The following ZNF575 variants were observed in gnomAD, a reference collection of about 807,000 sequenced individuals.
ZNF575 encodes zinc finger protein 575.
A neutral mutation model predicts 17.5 loss-of-function variants in ZNF575; 17 were observed. The ratio of observed to expected loss-of-function variants is 0.97; its 90% CI spans 0.66 to 1.45. The LOEUF (loss-of-function observed/expected upper bound fraction) is 1.45, where lower values mean the gene tolerates loss of function less well. Among genes scored for constraint, ZNF575 ranks in the 40% most tolerant of loss-of-function variants. ZNF575 has a pLI of 0.00. For synonymous variants in ZNF575, 146 were observed against 158.3 expected (o/e 0.92, Z 0.58); for missense variants, 352 against 359.2 (o/e 0.98, Z 0.16).
rs200449716 is a variant in ZNF575 at position 43,535,412 on chromosome 19, T to G, written c.463T>G (p.Ser155Ala). 2.0e-6 allele frequency: 3 copies of G among 1,512,706 alleles called. No homozygotes were observed. The highest frequency in any genetic ancestry group is 1.6e-5 in the African/African-American group (1 of 61,446). The allele number at this position is 1,512,706 out of a possible 1,614,324, so 93.7% of individuals were successfully genotyped here. Residue 155 changes from serine (S) to alanine (A), a missense_variant, in exon 4 of 4, where the codon TCC (serine) becomes GCC (alanine). Physicochemically the swap from Ser to Ala is moderately conservative, Grantham distance 99. Coordinates refer to ENST00000314228, the MANE Select transcript of ZNF575 (RefSeq NM_174945.3). ...RPYPCPDCPKSFCYPSKLAAH... is the reference protein window; with the variant it reads ...RPYPCPDCPKAFCYPSKLAAH... The stretch of plus-strand genomic sequence containing the variant: ...CTACCCGTGCCCCGACTGCCCCAAG[T>G]CCTTCTGCTACCCTTCCAAGCTGGC...
At position 43,533,188 on chromosome 19, in the gene ZNF575, A is replaced by T. The variant is rs1465586415; in HGVS notation, c.-528A>T. 6.6e-6 allele frequency: 1 copy of T among 152,318 alleles called. No individual in the cohort carries two copies. Among genetic ancestry groups the T allele is most frequent in the Non-Finnish European group, 1.5e-5 (1 of 68,076 alleles). 9.4% of individuals were successfully genotyped at this position (152,318 alleles called of 1,614,324 possible). ...GCGGTGCACTTTCTGTCGATACGGT[A>T]GCTTCGCGCTTGCTCACGAACTTGC... On this transcript the variant is annotated 5_prime_UTR_variant, in exon 1 of 4. Transcript: ENST00000314228.
rs1972396557 is a variant in ZNF575, at chr19:43,535,142, T to C, written c.193T>C (p.Cys65Arg). 6.3e-7 allele frequency: 1 copy of C among 1,579,082 alleles called. No homozygotes were observed. ...RRPPPQRPHR[C>R]PDCDKAFSYP... ...GCCCCCGCCCCAGCGCCCGCACCGC[T>C]GCCCCGACTGTGACAAGGCCTTCTC... Residue 65 changes from cysteine to arginine, a missense_variant, in exon 4 of 4, where the codon TGC becomes CGC. Transcript: ENST00000314228.
intron 3 of ZNF575, 144 bp from the exon 4 acceptor site, chr19:43,534,885 G>T: frequency 1.3e-6 from 1 of 771,174 alleles, no homozygotes; most frequent in Non-Finnish European, 1.9e-6. Flanking sequence ...GCAGAAACAT[G>T]CAATTTGGGG....
chr19:43,534,563 A>G, intron 3 of ZNF575, 62 bp downstream of exon 3: 1 of 1,363,890 alleles, frequency 7.3e-7, no homozygotes. Flanking sequence ...AAATAATCAC[A>G]TTCTGGGGGA....
At chr19:43,531,485 A>G (rs182845987), upstream of ZNF575, among the ~76,000 whole-genome samples, 43 of 152,220 alleles carry the variant, frequency 2.8e-4, no homozygotes, top group Non-Finnish European at 4.4e-4. Context: ...GGGAGGCTGA[A>G]GCAGGAGAAT....
chr19:43,535,825 G>T lies in ZNF575; in HGVS notation c.*138G>T. The T allele has an allele frequency of 2.0e-6, 2 of 1,012,652 alleles. No homozygotes were observed. Among genetic ancestry groups the T allele is most frequent in the South Asian group, 3.4e-5 (2 of 58,780 alleles). The allele number at this position is 1,012,652 out of a possible 1,614,324, so 62.7% of individuals were successfully genotyped here. ...GGCAAGGGATTGGCCATTTATACTG[G>T]GCTCGAGCTCAGAAGCCCGAGGAAC... On this transcript the variant is annotated 3_prime_UTR_variant, in exon 4 of 4. Transcript: ENST00000314228.
At chr19:43,531,809 G>A (rs923698291), upstream of ZNF575, 15 of 681,686 alleles carry the variant, frequency 2.2e-5, no homozygotes, top group African/African-American at 2.2e-4. Context: ...TTAAAGATAC[G>A]GGGTATCACT....
chr19:43,534,489 G>T lies in ZNF575; in HGVS notation c.67G>T (p.Val23Leu). 1 of 1,470,780 alleles carries T rather than the reference G, an allele frequency of 6.8e-7. No homozygotes were observed. 91.1% of individuals were successfully genotyped at this position (1,470,780 alleles called of 1,614,324 possible). A position where few individuals can be genotyped will look rare whatever the true frequency, so the allele number is the denominator to read the frequency against. Residue 23 changes from valine (V) to leucine (L), a missense_variant, in exon 3 of 4, where the codon GTG (valine) becomes TTG (leucine). Transcript: ENST00000314228. ...TCCTAGTCCCACTGGCAAGGAACCAGTGACCAAAGAAGGTGAGAGTGCCCC... is the reference window on the plus strand; with the variant it reads ...TCCTAGTCCCACTGGCAAGGAACCATTGACCAAAGAAGGTGAGAGTGCCCC... ...TDPSPTGKEP[V>L]TKEAPHQGPP...
In ZNF575 at chr19:43,535,520, A is replaced by C. The variant is rs1186246337; in HGVS notation, c.571A>C (p.Lys191Gln). 3.7e-6 allele frequency: 6 copies of C among 1,613,590 alleles called. No homozygotes were observed. The highest frequency in any genetic ancestry group is 4.2e-6 in the Non-Finnish European group (5 of 1,179,864). ...HCPKAFSFPS[K>Q]LAAHRLCHDP... is the part of the protein sequence containing the mutation. ...CCCCAAGGCTTTCTCATTTCCCTCCAAGCTGGCCGCCCATCGCCTATGTCA... is the reference window on the plus strand; with the variant it reads ...CCCCAAGGCTTTCTCATTTCCCTCCCAGCTGGCCGCCCATCGCCTATGTCA... Residue 191 changes from lysine to glutamine, a missense_variant, in exon 4 of 4, where the codon AAG becomes CAG. Lys to Gln is a moderately conservative substitution (Grantham distance 53). Coordinates refer to ENST00000314228, the MANE Select transcript of ZNF575 (RefSeq NM_174945.3).
chr19:43,535,976 T>G lies in ZNF575; in HGVS notation c.*289T>G, dbSNP rs1161924813. 3 of 414,510 alleles carry G rather than the reference T, an allele frequency of 7.2e-6. No individual in the cohort carries two copies. The highest frequency in any genetic ancestry group is 5.9e-5 in the African/African-American group (3 of 50,738). The allele number at this position is 414,510 out of a possible 1,614,324, so 25.7% of individuals were successfully genotyped here. ...TAAAAAGTCTGCTACTATCGTGGGT[T>G]GATGAGGATTGTGGGCAAACAGGCT... On this transcript the variant is annotated 3_prime_UTR_variant, in exon 4 of 4. Coordinates refer to ENST00000314228, the MANE Select transcript of ZNF575 (RefSeq NM_174945.3).
rs1452918150 is a variant in ZNF575 at position 43,533,242 on chromosome 19, T to C, written c.-474T>C. 2 of 152,310 alleles carry C rather than the reference T, an allele frequency of 1.3e-5. No homozygotes were observed. Among genetic ancestry groups the C allele is most frequent in the African/African-American group, 4.8e-5 (2 of 41,462 alleles). The allele number at this position is 152,310 out of a possible 1,614,324, so 9.4% of individuals were successfully genotyped here. On this transcript the variant is annotated 5_prime_UTR_variant, in exon 1 of 4. Transcript: ENST00000314228. ...CCTGGCTGGCGCACCCAGCCCCTCCTTCCATTCCTTCTTCCCCCTCTCTGC... is the reference window on the plus strand; with the variant it reads ...CCTGGCTGGCGCACCCAGCCCCTCCCTCCATTCCTTCTTCCCCCTCTCTGC...
At chr19:43,534,973 C>A (rs1481143053) in intron 3 of ZNF575, 56 bp from the exon 4 acceptor site, 8 of 1,369,596 alleles carry the variant, frequency 5.8e-6, no homozygotes, top group Non-Finnish European at 7.5e-6. Context: ...CGGAGCCTGG[C>A]CTAGGCCCAG....
rs767338863 is a variant in ZNF575, at chr19:43,535,437, C to T, written c.488C>T (p.Ala163Val). ...TCCTTCTGCTACCCTTCCAAGCTGG[C>T]GGCCCACCGCCACACGCACCACGCC... ...PKSFCYPSKL[A>V]AHRHTHHATD... The change falls in exon 4 of 4, where the codon GCG becomes GTG. Residue 163 changes from alanine to valine, a missense_variant. Ala to Val is a moderately conservative substitution (Grantham distance 64). Coordinates refer to ENST00000314228, the MANE Select transcript of ZNF575 (RefSeq NM_174945.3). The T allele has an allele frequency of 1.3e-6, 2 of 1,570,784 alleles. No homozygotes were observed. The highest frequency in any genetic ancestry group is 2.4e-5 in the East Asian group (1 of 41,576).
chr19:43,530,900 A>G (rs1199068142), upstream of ZNF575, among the ~76,000 whole-genome samples: 2 of 152,192 alleles, frequency 1.3e-5, no homozygotes, highest in African/African-American at 4.8e-5. Context: ...CTAGCAATTA[A>G]TACTGTAATT....
rs1322052760 is a variant in ZNF575 at position 43,535,898 on chromosome 19, T to C, written c.*211T>C. 8.2e-6 allele frequency: 5 copies of C among 610,248 alleles called. No individual in the cohort carries two copies. Among genetic ancestry groups the C allele is most frequent in the Non-Finnish European group, 1.4e-5 (5 of 352,564 alleles). 37.8% of individuals were successfully genotyped at this position (610,248 alleles called of 1,614,324 possible). ...AGATCTCAAACCATGGACGTGGAGC[T>C]GTGGTTTGACAGCGCTGGCTCTGCT... On this transcript the variant is annotated 3_prime_UTR_variant, in exon 4 of 4. Coordinates refer to ENST00000314228, the MANE Select transcript of ZNF575 (RefSeq NM_174945.3).
chr19:43,534,101 A>G (rs1045617252), intron 2 of ZNF575, 199 bp downstream of exon 2: 2 of 428,042 alleles, frequency 4.7e-6, no homozygotes, highest in Non-Finnish European at 8.4e-6. Context: ...CACTCTGCGC[A>G]TAGGCCCCGC....
chr19:43,533,679 A>C (rs1277127332), intron 1 of ZNF575, 116 bp from the exon 2 acceptor site: 1 of 152,460 alleles, frequency 6.6e-6, no homozygotes, highest in Admixed American at 6.5e-5. Flanking sequence ...TCGGTGCCTG[A>C]ATGTCTGATT....
rs1406029035 is a variant in ZNF575 at position 43,533,922 on chromosome 19, G to GT, written c.-87+21dup. On this transcript the variant is annotated intron_variant, in intron 2 of 3. Transcript: ENST00000314228. Reference sequence around the variant, plus strand: ...AGCCGGGTAAAGCTAGGTCTTCGACGTGAAGCCCCGCCCACTGTGCCCATA... The same window carrying GT: ...AGCCGGGTAAAGCTAGGTCTTCGACGTTGAAGCCCCGCCCACTGTGCCCATA... The GT allele has an allele frequency of 6.4e-6, 1 of 156,394 alleles. No homozygotes were observed. Among genetic ancestry groups the GT allele is most frequent in the Non-Finnish European group, 1.4e-5 (1 of 70,644 alleles). 9.7% of individuals were successfully genotyped at this position (156,394 alleles called of 1,614,324 possible). A position where few individuals can be genotyped will look rare whatever the true frequency, so the allele number is the denominator to read the frequency against.
At chr19:43,534,621 T>TC in intron 3 of ZNF575, 120 bp downstream of exon 3, 1 of 966,470 alleles carries the variant, frequency 1.0e-6, no homozygotes, top group Non-Finnish European at 1.4e-6. Flanking sequence ...CTATTTGGGA[T>TC]CCCCAAAACT....
Sources: allele counts gnomAD v4.1 joint callset (sites outside exome capture counted in the v4.1 genomes callset), GRCh38; gene constraint gnomAD v4.1.1; transcripts MANE v1.5; gene names NCBI Gene and HGNC (gene_info 2026-07-23, HGNC 2026-07-21).